Variants in CCR5AS observed in about 807,000 individuals in gnomAD.
CCR5AS encodes the protein CCR5 antisense RNA.
chr3:46,366,977 C>A (rs1421724786), intron 3 of CCR5AS, among the ~76,000 whole-genome samples: 1 of 152,102 alleles, frequency 6.6e-6, no homozygotes, highest in South Asian at 2.1e-4. Flanking sequence ...GAGAAGAGCC[C>A]GACTGTCTAC....
intron 2 of CCR5AS, among the ~76,000 whole-genome samples, chr3:46,379,324 A>T (rs1701792557): frequency 6.6e-6 from 1 of 151,772 alleles, no homozygotes; most frequent in Non-Finnish European, 1.5e-5. Flanking sequence ...TTCCAATTTC[A>T]TCCATGTCCC....
intron 2 of CCR5AS, among the ~76,000 whole-genome samples, chr3:46,377,532 T>G (rs865812769): frequency 1.3e-5 from 2 of 152,214 alleles, no homozygotes; most frequent in Non-Finnish European, 2.9e-5. Flanking sequence ...GCAATGGCAT[T>G]TCAACTGTTA....
At chr3:46,394,072 C>A (rs1277415727) in intron 1 of CCR5AS, among the ~76,000 whole-genome samples, 1 of 152,222 alleles carries the variant, frequency 6.6e-6, no homozygotes, top group African/African-American at 2.4e-5. Flanking sequence ...CTAATTCCAG[C>A]GTTTCAGTTC....
chr3:46,384,556 G>GA (rs573134302), intron 2 of CCR5AS, among the ~76,000 whole-genome samples: 74 of 152,154 alleles, frequency 4.9e-4, no homozygotes, highest in African/African-American at 1.8e-3. Context: ...AGGTTAAAAA[G>GA]AAAAAAATTT....
chr3:46,373,274 C>T (rs138380934), intron 2 of CCR5AS: 119 of 1,614,018 alleles, frequency 7.4e-5, no homozygotes, highest in Non-Finnish European at 9.7e-5. Context: ...TCCTGACAAT[C>T]GATAGGTACC....
chr3:46,390,844 C>T (rs571807759), intron 2 of CCR5AS, among the ~76,000 whole-genome samples: 3 of 152,072 alleles, frequency 2.0e-5, no homozygotes, highest in East Asian at 1.9e-4. Context: ...TTAGAAGCCT[C>T]GCCGACAATA....
chr3:46,372,733 T>C, intron 2 of CCR5AS: 1 of 548,708 alleles, frequency 1.8e-6, no homozygotes, highest in Non-Finnish European at 3.2e-6. Flanking sequence ...TTCCCTTCAC[T>C]ACAAAACTTC....
At chr3:46,387,279 A>G (rs1203183063) in intron 2 of CCR5AS, among the ~76,000 whole-genome samples, 1 of 152,226 alleles carries the variant, frequency 6.6e-6, no homozygotes, top group Non-Finnish European at 1.5e-5. Flanking sequence ...CATCCAAGGA[A>G]GATGTCCCAT....
At chr3:46,390,165 G>T (rs1045187675) in intron 2 of CCR5AS, among the ~76,000 whole-genome samples, 1 of 152,168 alleles carries the variant, frequency 6.6e-6, no homozygotes, top group Non-Finnish European at 1.5e-5. Flanking sequence ...CAGGTGAGTT[G>T]TTGGGACTGG....
At chr3:46,393,812 G>A (rs1428895013) in intron 1 of CCR5AS, among the ~76,000 whole-genome samples, 2 of 152,220 alleles carry the variant, frequency 1.3e-5, no homozygotes, top group African/African-American at 2.4e-5. Context: ...AGGTGGTGTG[G>A]CTCAGCTAAA....
Position 46,396,484 on chromosome 3 carries a change from G to A in CCR5AS, n.164-3432C>T, listed in dbSNP as rs149897069. Among the ~76,000 whole-genome samples the A allele has an allele frequency of 3.3e-5, 5 of 152,300 alleles. No individual in the cohort carries two copies. In the East Asian group the frequency reaches 9.7e-4, roughly 29 times the overall value. On this transcript the variant is annotated intron_variant and non_coding_transcript_variant, in intron 1 of 3. Coordinates refer to ENST00000451485, the Ensembl canonical transcript of CCR5AS. ...GCAGGAAATTCAGAACCTTCCACCT[G>A]TACAGTGGATACTGTGAGACTCTGC...
chr3:46,366,902 T>A (rs1286489620), intron 3 of CCR5AS, among the ~76,000 whole-genome samples: 1 of 152,170 alleles, frequency 6.6e-6, no homozygotes, highest in African/African-American at 2.4e-5. Context: ...GTGTACTTCT[T>A]GACAGGGATG....
intron 2 of CCR5AS, chr3:46,375,397 C>G (rs1046745059): frequency 1.8e-5 from 3 of 167,166 alleles, no homozygotes; most frequent in Admixed American, 1.3e-4. Context: ...ACATACTACA[C>G]ATTCAATAAG....
intron 2 of CCR5AS, among the ~76,000 whole-genome samples, chr3:46,381,385 A>G (rs1327424950): frequency 6.6e-6 from 1 of 152,218 alleles, no homozygotes; most frequent in Non-Finnish European, 1.5e-5. Context: ...AGGCAATGAT[A>G]ATTCTGCAGA....
chr3:46,366,910 A>T (rs1701605385), intron 3 of CCR5AS, among the ~76,000 whole-genome samples: 2 of 152,190 alleles, frequency 1.3e-5, no homozygotes, highest in South Asian at 4.1e-4. Context: ...CTTGACAGGG[A>T]TGTCAGAGCA....
chr3:46,373,651 CCTACAA>C (rs1401419203), intron 2 of CCR5AS: 2 of 1,614,114 alleles, frequency 1.2e-6, no homozygotes, highest in East Asian at 2.2e-5. Flanking sequence ...TTCTGGGCTC[CCTACAA>C]CATTGTCCTT....
At chr3:46,377,187 A>C (rs939295576) in intron 2 of CCR5AS, among the ~76,000 whole-genome samples, 1 of 152,166 alleles carries the variant, frequency 6.6e-6, no homozygotes, top group Non-Finnish European at 1.5e-5. Context: ...ATCTTATTAA[A>C]TGTCTTCCAA....
intron 2 of CCR5AS, chr3:46,372,872 C>T: frequency 2.7e-6 from 4 of 1,489,982 alleles, no homozygotes; most frequent in Non-Finnish European, 3.6e-6. Context: ...TATAAAAGAT[C>T]ACTTTTTATT....
intron 2 of CCR5AS, among the ~76,000 whole-genome samples, chr3:46,378,112 G>A (rs1196198088): frequency 1.3e-5 from 2 of 152,142 alleles, no homozygotes; most frequent in Non-Finnish European, 2.9e-5. Flanking sequence ...CGGGGATAAG[G>A]CTGAACAGAA....
Sources: gnomAD v4.1 joint callset for allele counts (sites outside exome capture counted in the v4.1 genomes callset) on GRCh38, gnomAD v4.1.1 for gene constraint, MANE v1.5 for transcripts, NCBI Gene and HGNC (gene_info 2026-07-23, HGNC 2026-07-21) for gene names.